ANKRD12: variants seen among roughly 807,000 people sequenced by gnomAD.
The protein encoded by ANKRD12 is ankyrin repeat domain-containing protein 12.
In ANKRD12, 85 loss-of-function variants were observed where a neutral mutation model predicts 183.4. The observed-to-expected ratio is 0.46, with a 90% CI of 0.39 to 0.56. The LOEUF is 0.56. Ranked by LOEUF, ANKRD12 falls within the 20% of genes least tolerant of loss-of-function variation. The pLI is 0.00. For synonymous variants in ANKRD12, 914 were observed against 800.2 expected, an observed-to-expected ratio of 1.14 and a Z score of -2.40; for missense variants, 2,405 against 2,357.1, an observed-to-expected ratio of 1.02 and a Z score of -0.42.
At chr18:9,176,931 A>G (rs1189501678) in intron 1 of ANKRD12, among the ~76,000 whole-genome samples, 1 of 152,232 alleles carries the variant, frequency 6.6e-6, no homozygotes, top group East Asian at 1.9e-4. Context: ...TATAGCATAC[A>G]TTTAGAGAAT....
intron 1 of ANKRD12, among the ~76,000 whole-genome samples, chr18:9,170,667 C>G (rs917659048): frequency 1.3e-5 from 2 of 152,112 alleles, no homozygotes; most frequent in African/African-American, 4.8e-5. Context: ...CCTCTTGTAG[C>G]TCGGAGTAGT....
chr18:9,242,522 T>C (rs1470516743), intron 8 of ANKRD12, among the ~76,000 whole-genome samples: 1 of 152,172 alleles, frequency 6.6e-6, no homozygotes, highest in East Asian at 1.9e-4. Context: ...ATGTTTTATC[T>C]AGCCATGGGT....
In ANKRD12 at chr18:9,284,740, T is replaced by C. The variant is rs907029333; in HGVS notation, c.*3614T>C. 6.6e-6 allele frequency: 1 copy of C among 151,978 alleles called. No individual in the cohort carries two copies. Among genetic ancestry groups the C allele is most frequent in the Non-Finnish European group, 1.5e-5 (1 of 67,980 alleles). 9.4% of individuals were successfully genotyped at this position (151,978 alleles called of 1,614,324 possible). ...TAAAAGTAGAATTCATAGAAAAAAC[T>C]GAGGCAAATTAAAACAATTCCATTA... is the stretch of plus-strand genomic sequence containing the variant. On this transcript the variant is annotated 3_prime_UTR_variant, in exon 13 of 13. Coordinates refer to ENST00000262126, the MANE Select transcript of ANKRD12 (RefSeq NM_015208.5).
At chr18:9,220,172 CTTGTTTTAAA>C in intron 7 of ANKRD12, among the ~76,000 whole-genome samples, 1 of 152,182 alleles carries the variant, frequency 6.6e-6, no homozygotes, top group South Asian at 2.1e-4. Context: ...ATTTCAGCAT[CTTGTTTTAAA>C]TTGTTCCTTT....
At chr18:9,236,258 T>C (rs2037339273) in intron 8 of ANKRD12, among the ~76,000 whole-genome samples, 1 of 152,198 alleles carries the variant, frequency 6.6e-6, no homozygotes, top group South Asian at 2.1e-4. Flanking sequence ...GCAACTTTGC[T>C]TTTAGTATCT....
intron 8 of ANKRD12, among the ~76,000 whole-genome samples, chr18:9,244,476 T>C (rs1228338804): frequency 2.0e-5 from 3 of 152,128 alleles, no homozygotes; most frequent in Non-Finnish European, 4.4e-5. Context: ...TGTGCTACTG[T>C]GCCCAGCTCT....
At chr18:9,246,939 T>C (rs2037996693) in intron 8 of ANKRD12, among the ~76,000 whole-genome samples, 1 of 151,426 alleles carries the variant, frequency 6.6e-6, no homozygotes, top group African/African-American at 2.4e-5. Context: ...GATGTGACTT[T>C]GCACTACACC....
chr18:9,257,583 C>A lies in ANKRD12; in HGVS notation c.4316C>A (p.Ser1439Tyr), dbSNP rs748190625. The change falls in exon 9 of 13, where the codon TCT becomes TAT. Residue 1439 changes from serine to tyrosine, a missense_variant. By Grantham distance (144) the Ser-to-Tyr change is moderately radical. Coordinates refer to ENST00000262126, the MANE Select transcript of ANKRD12 (RefSeq NM_015208.5). ...LSTRDFICPN[S>Y]NIPDQESSLQ... The stretch of plus-strand genomic sequence containing the variant: ...ACCAGAGACTTTATCTGCCCAAATT[C>A]TAACATACCTGATCAAGAATCCTCT... 6.2e-7 allele frequency: 1 copy of A among 1,614,072 alleles called. No homozygotes were observed. Among genetic ancestry groups the A allele is most frequent in the South Asian group, 1.1e-5 (1 of 91,084 alleles).
At chr18:9,203,164 T>C (rs2035273960) in intron 3 of ANKRD12, among the ~76,000 whole-genome samples, 1 of 152,252 alleles carries the variant, frequency 6.6e-6, no homozygotes, top group South Asian at 2.1e-4. Context: ...TTTTGAAATA[T>C]GTGTTCATTG....
intron 5 of ANKRD12, among the ~76,000 whole-genome samples, chr18:9,211,179 C>T (rs376221499): frequency 6.6e-6 from 1 of 152,052 alleles, no homozygotes; most frequent in Non-Finnish European, 1.5e-5. Context: ...CAGAAGAACT[C>T]CAATGCTTTG....
intron 8 of ANKRD12, among the ~76,000 whole-genome samples, chr18:9,245,286 C>CAA (rs779175444): frequency 3.2e-5 from 4 of 123,986 alleles, no homozygotes; most frequent in South Asian, 2.5e-4. Flanking sequence ...CCCATTTCTA[C>CAA]AAAAAAAAAA....
At position 9,216,818 on chromosome 18, in the gene ANKRD12, T is replaced by C; in HGVS notation, c.713T>C (p.Ile238Thr). The change falls in exon 7 of 13, where the codon ATA (isoleucine) becomes ACA (threonine). Residue 238 changes from isoleucine (I) to threonine (T), a missense_variant. Ile to Thr is a moderately conservative substitution (Grantham distance 89, BLOSUM62 -1). This residue lies in a region of ANKRD12 where 39 missense variants were observed against 104.8 expected (regional missense o/e 0.37). Coordinates refer to ENST00000262126, the MANE Select transcript of ANKRD12 (RefSeq NM_015208.5). The stretch of plus-strand genomic sequence containing the variant: ...TATTACGATGTTGCTAAGATACTTA[T>C]AGCAGCTGGAGCAGATGTTAACACA... The part of the protein sequence containing the change: ...VGYYDVAKIL[I>T]AAGADVNTQG... 6.2e-7 allele frequency: 1 copy of C among 1,613,744 alleles called. No homozygotes were observed. Among genetic ancestry groups the C allele is most frequent in the Non-Finnish European group, 8.5e-7 (1 of 1,179,744 alleles).
chr18:9,230,485 C>T (rs2036976952), intron 8 of ANKRD12, among the ~76,000 whole-genome samples: 1 of 151,992 alleles, frequency 6.6e-6, no homozygotes, highest in African/African-American at 2.4e-5. Flanking sequence ...TTTATTATTT[C>T]TTCTGCTAGC....
At chr18:9,205,339 G>C (rs1039158839) in intron 4 of ANKRD12, among the ~76,000 whole-genome samples, 1 of 151,532 alleles carries the variant, frequency 6.6e-6, no homozygotes, top group African/African-American at 2.4e-5. Flanking sequence ...TTTAGTCCCT[G>C]GGTGTCTAAG....
At chr18:9,241,309 A>G (rs1567954832) in intron 8 of ANKRD12, among the ~76,000 whole-genome samples, 1 of 152,200 alleles carries the variant, frequency 6.6e-6, no homozygotes, top group Non-Finnish European at 1.5e-5. Flanking sequence ...CTATAATAAA[A>G]GATTTTTCAT....
intron 1 of ANKRD12, among the ~76,000 whole-genome samples, chr18:9,175,009 C>T (rs1438722552): frequency 2.6e-5 from 4 of 152,058 alleles, no homozygotes; most frequent in African/African-American, 4.8e-5. Flanking sequence ...GGCTGGAGTG[C>T]AGTGGTGTGA....
In ANKRD12 at chr18:9,258,975, AT is replaced by A. The variant is rs1567985813; in HGVS notation, c.5664+45del. 2.0e-6 allele frequency: 3 copies of A among 1,533,164 alleles called. No homozygotes were observed. The South Asian group carries it at 3.9e-5, about 20-fold the overall frequency. The allele number at this position is 1,533,164 out of a possible 1,614,324, so 95.0% of individuals were successfully genotyped here. ...TGCTATACACCTGTAACACTGCCCA[AT>A]AGAAGTATAATGCTAGCCACATACG... On this transcript the variant is annotated intron_variant, in intron 9 of 12. Coordinates refer to ENST00000262126, the MANE Select transcript of ANKRD12 (RefSeq NM_015208.5).
At chr18:9,247,596 C>T (rs891209585) in intron 8 of ANKRD12, among the ~76,000 whole-genome samples, 1 of 152,058 alleles carries the variant, frequency 6.6e-6, no homozygotes, top group African/African-American at 2.4e-5. Context: ...CTAATTGCCT[C>T]GTAAAATATG....
intron 8 of ANKRD12, among the ~76,000 whole-genome samples, chr18:9,232,253 A>G (rs1229099922): frequency 6.6e-6 from 1 of 152,126 alleles, no homozygotes; most frequent in African/African-American, 2.4e-5. Context: ...GGTAGTAACT[A>G]TTGTTCTTTC....
Sources: allele counts gnomAD v4.1 joint callset (sites outside exome capture counted in the v4.1 genomes callset), GRCh38; gene constraint gnomAD v4.1.1; regional missense constraint gnomAD v4.1.1; transcripts MANE v1.5; gene names NCBI Gene and HGNC (gene_info 2026-07-23, HGNC 2026-07-21).